KCNJ2: variants seen among roughly 807,000 people sequenced by gnomAD.
KCNJ2 encodes potassium inwardly rectifying channel subfamily J member 2.
A neutral mutation model predicts 28.4 loss-of-function variants in KCNJ2; 12 were observed. That is an observed-to-expected ratio of 0.42 (90% confidence interval 0.27 to 0.68). KCNJ2 has a LOEUF of 0.68. KCNJ2 is among the 30% of genes least tolerant of loss of function. KCNJ2 has a pLI of 0.23. For synonymous variants in KCNJ2, 200 were observed against 203.2 expected, an observed-to-expected ratio of 0.98 and a Z score of 0.13; for missense variants, 320 against 551.3, an observed-to-expected ratio of 0.58 and a Z score of 4.20.
intron 1 of KCNJ2, among the ~76,000 whole-genome samples, chr17:70,174,478 T>C (rs2074380615): frequency 6.6e-6 from 1 of 151,946 alleles, no homozygotes; most frequent in Non-Finnish European, 1.5e-5. Context: ...ACAGGGATCC[T>C]AGCAAGTGGG....
At chr17:70,174,424 A>G (rs1231103253) in intron 1 of KCNJ2, among the ~76,000 whole-genome samples, 2 of 152,160 alleles carry the variant, frequency 1.3e-5, no homozygotes, top group African/African-American at 4.8e-5. Context: ...TTTTCCAAAA[A>G]TTTTACGACA....
At chr17:70,174,502 G>C (rs1166207796) in intron 1 of KCNJ2, among the ~76,000 whole-genome samples, 1 of 152,106 alleles carries the variant, frequency 6.6e-6, no homozygotes, top group Admixed American at 6.5e-5. Context: ...GGCAGAAGAA[G>C]AGAATAAGAG....
At position 70,176,273 on chromosome 17, in the gene KCNJ2, G is replaced by T. The variant is rs1485455146; in HGVS notation, c.1234G>T (p.Ala412Ser). ...TPPDIDLHNQASVPLEPRPLR... is the reference protein window; with the variant it reads ...TPPDIDLHNQSSVPLEPRPLR... Reference sequence around the variant, plus strand: ...CCCTGACATAGACCTTCACAACCAGGCAAGTGTACCTCTAGAGCCCAGGCC... The same window carrying T: ...CCCTGACATAGACCTTCACAACCAGTCAAGTGTACCTCTAGAGCCCAGGCC... The change falls in exon 2 of 2, where the codon GCA becomes TCA. Residue 412 changes from alanine to serine, a missense_variant. Transcript: ENST00000243457. 1.2e-6 allele frequency: 2 copies of T among 1,613,986 alleles called. No individual in the cohort carries two copies. The highest frequency in any genetic ancestry group is 2.7e-5 in the African/African-American group (2 of 74,896).
At position 70,177,375 on chromosome 17, in the gene KCNJ2, A is replaced by C. The variant is rs1185770470; in HGVS notation, c.*1052A>C. The C allele has an allele frequency of 6.0e-6, 1 of 167,050 alleles. No individual in the cohort carries two copies. Among genetic ancestry groups the C allele is most frequent in the Non-Finnish European group, 1.5e-5 (1 of 68,136 alleles). The allele number at this position is 167,050 out of a possible 1,614,324, so 10.3% of individuals were successfully genotyped here. A position where few individuals can be genotyped will look rare whatever the true frequency, so the allele number is the denominator to read the frequency against. On this transcript the variant is annotated 3_prime_UTR_variant, in exon 2 of 2. Coordinates refer to ENST00000243457, the MANE Select transcript of KCNJ2 (RefSeq NM_000891.3). ...GTGCGAGATGGTGATGTACTCTTAT[A>C]TTTTTCTGGGCTTTTCCTTTTGCAC... is the stretch of plus-strand genomic sequence containing the variant.
Position 70,174,957 on chromosome 17 carries a change from A to G in KCNJ2, c.-83A>G, listed in dbSNP as rs1015983217. On this transcript the variant is annotated 5_prime_UTR_variant, in exon 2 of 2. Coordinates refer to ENST00000243457, the MANE Select transcript of KCNJ2 (RefSeq NM_000891.3). ...TTTGGTGTGTGTGTCTTCACCGAAC[A>G]TTCAAAACTGTTTCTCCAAAGCGTT... 2 of 1,377,414 alleles carry G rather than the reference A, an allele frequency of 1.5e-6. No homozygotes were observed. The highest frequency in any genetic ancestry group is 1.4e-5 in the African/African-American group (1 of 69,950). The allele number at this position is 1,377,414 out of a possible 1,614,324, so 85.3% of individuals were successfully genotyped here. A position where few individuals can be genotyped will look rare whatever the true frequency, so the allele number is the denominator to read the frequency against.
At position 70,175,026 on chromosome 17, in the gene KCNJ2, C is replaced by T. The variant is rs776259535; in HGVS notation, c.-14C>T. 5 of 1,613,478 alleles carry T rather than the reference C, an allele frequency of 3.1e-6. No individual in the cohort carries two copies. The highest frequency in any genetic ancestry group is 3.4e-6 in the Non-Finnish European group (4 of 1,179,518). On this transcript the variant is annotated 5_prime_UTR_variant, in exon 2 of 2. Coordinates refer to ENST00000243457, the MANE Select transcript of KCNJ2 (RefSeq NM_000891.3). The surrounding 1 kb of genome is among the most constrained non-coding windows in gnomAD (Gnocchi z 8.3). ...TTTTCCAAAGCAGAAGCACTGGAGTCCCCAGCAGAAGCGATGGGCAGTGTG... is the reference window on the plus strand; with the variant it reads ...TTTTCCAAAGCAGAAGCACTGGAGTTCCCAGCAGAAGCGATGGGCAGTGTG...
At position 70,174,410 on chromosome 17, in the gene KCNJ2, T is replaced by G. The variant is rs528298444; in HGVS notation, c.-216-414T>G. ...GTCCACGTGAAGTTTTCTAAACATG[T>G]CCTTTTTCCAAAAATTTTACGACAA... On this transcript the variant is annotated intron_variant, in intron 1 of 1. Transcript: ENST00000243457. Among the ~76,000 whole-genome samples, 4 of 152,300 alleles carry G rather than the reference T, an allele frequency of 2.6e-5. No homozygotes were observed. In the South Asian group the frequency reaches 8.3e-4, roughly 32 times the overall value.
At position 70,175,342 on chromosome 17, in the gene KCNJ2, T is replaced by C. The variant is rs376921497; in HGVS notation, c.303T>C (p.Cys101=). 61 of 1,614,072 alleles carry C rather than the reference T, an allele frequency of 3.8e-5. No homozygotes were observed. The highest frequency in any genetic ancestry group is 5.0e-5 in the Non-Finnish European group (59 of 1,180,040). ...AFVLSWLFFG[C]VFWLIALLHG... ...TCCTGTCATGGCTGTTTTTTGGCTG[T>C]GTGTTTTGGTTGATAGCTCTGCTCC... Residue 101 remains cysteine, a synonymous_variant, in exon 2 of 2, where the codon TGT becomes TGC. Transcript: ENST00000243457. This position sits in a 1 kb window ranked among gnomAD's most constrained non-coding sequence, Gnocchi z 8.3.
At position 70,173,938 on chromosome 17, in the gene KCNJ2, G is replaced by T. The variant is rs540428847; in HGVS notation, c.-216-886G>T. On this transcript the variant is annotated intron_variant, in intron 1 of 1. Coordinates refer to ENST00000243457, the MANE Select transcript of KCNJ2 (RefSeq NM_000891.3). ...GCTCTTATTGCTAGGCAACAGAATT[G>T]CTCTCTATCCCCCAGAGCAAACCTG... Among the ~76,000 whole-genome samples, 5 of 152,286 alleles carry T rather than the reference G, an allele frequency of 3.3e-5. No individual in the cohort carries two copies. The South Asian group carries it at 8.3e-4, about 25-fold the overall frequency.
chr17:70,175,146 A>C lies in KCNJ2; in HGVS notation c.107A>C (p.Lys36Thr). 6.2e-7 allele frequency: 1 copy of C among 1,614,168 alleles called. No individual in the cohort carries two copies. Residue 36 changes from lysine (K) to threonine (T), a missense_variant, in exon 2 of 2, where the codon AAA becomes ACA. Lys to Thr is a moderately conservative substitution (Grantham distance 78). Transcript: ENST00000243457. This position sits in a 1 kb window ranked among gnomAD's most constrained non-coding sequence, Gnocchi z 8.3. ...VANGFGNGKSKVHTRQQCRSR... is the reference protein window; with the variant it reads ...VANGFGNGKSTVHTRQQCRSR... ...AATGGCTTTGGGAACGGGAAGAGTA[A>C]AGTCCACACCCGACAACAGTGCAGG...
In KCNJ2 at chr17:70,177,024, T is replaced by G. The variant is rs2074397276; in HGVS notation, c.*701T>G. 6.0e-6 allele frequency: 1 copy of G among 167,398 alleles called. No individual in the cohort carries two copies. Among genetic ancestry groups the G allele is most frequent in the African/African-American group, 2.4e-5 (1 of 41,448 alleles). 10.4% of individuals were successfully genotyped at this position (167,398 alleles called of 1,614,324 possible). On this transcript the variant is annotated 3_prime_UTR_variant, in exon 2 of 2. Coordinates refer to ENST00000243457, the MANE Select transcript of KCNJ2 (RefSeq NM_000891.3). ...GGTTATCTCAAATTTTAAGTTAAAC[T>G]ACCTAAAATAAATACCAAAGATAAT...
At position 70,176,304 on chromosome 17, in the gene KCNJ2, G is replaced by C. The variant is rs199473390; in HGVS notation, c.1265G>C (p.Arg422Pro). The stretch of plus-strand genomic sequence containing the variant: ...GTACCTCTAGAGCCCAGGCCCTTAC[G>C]GCGAGAGTCGGAGATATGACTGACT... ...ASVPLEPRPLRRESEI is the reference protein window; with the variant it reads ...ASVPLEPRPLPRESEI The change falls in exon 2 of 2, where the codon CGG becomes CCG. Residue 422 changes from arginine (R) to proline (P), a missense_variant. Arg to Pro is a moderately radical substitution (Grantham distance 103). Coordinates refer to ENST00000243457, the MANE Select transcript of KCNJ2 (RefSeq NM_000891.3). 2 of 1,614,028 alleles carry C rather than the reference G, an allele frequency of 1.2e-6. No individual in the cohort carries two copies. Among genetic ancestry groups the C allele is most frequent in the Middle Eastern group, 1.6e-4 (1 of 6,062 alleles).
Position 70,179,758 on chromosome 17 carries a change from C to G in KCNJ2, c.*3435C>G, listed in dbSNP as rs546321373. The stretch of plus-strand genomic sequence containing the variant: ...GAGTGAGTTCTTTTTCACTCTGTGT[C>G]TAATAATGTTAAGGTGGGAAAAAAA... On this transcript the variant is annotated 3_prime_UTR_variant, in exon 2 of 2. Coordinates refer to ENST00000243457, the MANE Select transcript of KCNJ2 (RefSeq NM_000891.3). The G allele has an allele frequency of 6.0e-6, 1 of 166,882 alleles. No homozygotes were observed. Among genetic ancestry groups the G allele is most frequent in the South Asian group, 2.1e-4 (1 of 4,824 alleles). The allele number at this position is 166,882 out of a possible 1,614,324, so 10.3% of individuals were successfully genotyped here.
chr17:70,174,800 T>C (rs890639897), intron 1 of KCNJ2, 24 bp from the exon 2 acceptor site: 21 of 577,676 alleles, frequency 3.6e-5, no homozygotes, highest in African/African-American at 3.2e-4. Context: ...TATTTTGTAA[T>C]GCACAGTCTC....
intron 1 of KCNJ2, among the ~76,000 whole-genome samples, chr17:70,171,100 TTAAG>T (rs1486701562): frequency 1.3e-5 from 2 of 152,218 alleles, no homozygotes; most frequent in Non-Finnish European, 2.9e-5. Flanking sequence ...CCTGCACAGA[TTAAG>T]TGTTTCAGAT....
chr17:70,174,400 T>C (rs957256661), intron 1 of KCNJ2, among the ~76,000 whole-genome samples: 2 of 152,244 alleles, frequency 1.3e-5, no homozygotes, highest in African/African-American at 4.8e-5. Context: ...CGTGAAGTTT[T>C]CTAAACATGT....
chr17:70,175,343 G>A lies in KCNJ2; in HGVS notation c.304G>A (p.Val102Met), dbSNP rs766678770. ...FVLSWLFFGCVFWLIALLHGD... is the reference protein window; with the variant it reads ...FVLSWLFFGCMFWLIALLHGD... Reference sequence around the variant, plus strand: ...CCTGTCATGGCTGTTTTTTGGCTGTGTGTTTTGGTTGATAGCTCTGCTCCA... The same window carrying A: ...CCTGTCATGGCTGTTTTTTGGCTGTATGTTTTGGTTGATAGCTCTGCTCCA... Residue 102 changes from valine (V) to methionine (M), a missense_variant, in exon 2 of 2, where the codon GTG (valine) becomes ATG (methionine). Val to Met is a conservative substitution (Grantham distance 21, BLOSUM62 1). Transcript: ENST00000243457. The surrounding 1 kb of genome is among the most constrained non-coding windows in gnomAD (Gnocchi z 8.3). 6.2e-7 allele frequency: 1 copy of A among 1,614,186 alleles called. No homozygotes were observed. Among genetic ancestry groups the A allele is most frequent in the South Asian group, 1.1e-5 (1 of 91,080 alleles).
intron 1 of KCNJ2, among the ~76,000 whole-genome samples, chr17:70,174,227 G>A (rs975891760): frequency 6.6e-6 from 1 of 152,090 alleles, no homozygotes; most frequent in African/African-American, 2.4e-5. Flanking sequence ...TTTGTAGGTG[G>A]GAATCTGACT....
chr17:70,175,722 G>A lies in KCNJ2; in HGVS notation c.683G>A (p.Arg228Gln), dbSNP rs1234083049. 1 of 1,614,188 alleles carries A rather than the reference G, an allele frequency of 6.2e-7. No individual in the cohort carries two copies. Among genetic ancestry groups the A allele is most frequent in the Non-Finnish European group, 8.5e-7 (1 of 1,180,032 alleles). Residue 228 changes from arginine (R) to glutamine (Q), a missense_variant, in exon 2 of 2, where the codon CGA (arginine) becomes CAA (glutamine). Arg to Gln is a conservative substitution (Grantham distance 43). This residue lies in a region of KCNJ2 where 111 missense variants were observed against 256.7 expected (regional missense o/e 0.43). Coordinates refer to ENST00000243457, the MANE Select transcript of KCNJ2 (RefSeq NM_000891.3). This position sits in a 1 kb window ranked among gnomAD's most constrained non-coding sequence, Gnocchi z 8.3. ...RKSHLVEAHV[R>Q]AQLLKSRITS... ...AGCCACTTGGTGGAAGCTCATGTTC[G>A]AGCACAGCTCCTCAAATCCAGAATT... is the stretch of plus-strand genomic sequence containing the variant.
Sources: allele counts gnomAD v4.1 joint callset (sites outside exome capture counted in the v4.1 genomes callset), GRCh38; gene constraint gnomAD v4.1.1; regional missense constraint gnomAD v4.1.1; non-coding constraint Gnocchi (gnomAD v3.1); transcripts MANE v1.5; gene names NCBI Gene and HGNC (gene_info 2026-07-23, HGNC 2026-07-21).